The following MGAT5 variants were observed in gnomAD, a reference collection of about 807,000 sequenced individuals.
MGAT5 encodes the protein alpha-1,6-mannosylglycoprotein 6-beta-N-acetylglucosaminyltransferase, also known as alpha-1,6-mannosylglycoprotein 6-beta-N-acetylglucosaminyltransferase A.
MGAT5 carries 30 observed loss-of-function variants against 94.3 expected under a neutral mutation model. That is an observed-to-expected ratio of 0.32 (90% CI 0.24 to 0.43). The LOEUF (loss-of-function observed/expected upper bound fraction) is 0.43. Ranked by LOEUF, MGAT5 falls within the 20% of genes least tolerant of loss-of-function variation. The pLI, the probability that MGAT5 is intolerant of heterozygous loss-of-function variation, is 1.00. For missense variants in MGAT5, 691 were observed against 905.5 expected, an observed-to-expected ratio of 0.76 and a Z score of 3.04; for synonymous variants, 310 against 322.9, an observed-to-expected ratio of 0.96 and a Z score of 0.43.
Position 134,412,973 on chromosome 2 carries a change from C to G in MGAT5, c.1635C>G (p.Ser545Arg). 2 of 1,614,154 alleles carry G rather than the reference C, an allele frequency of 1.2e-6. No homozygotes were observed. Among genetic ancestry groups the G allele is most frequent in the Non-Finnish European group, 1.7e-6 (2 of 1,180,012 alleles). ...LNPKFNPPKS[S>R]KNTDFFIGKP... ...CCAAGTTCAACCCACCCAAAAGCAG[C>G]AAAAACACAGACTTTTTCATTGGCA... Residue 545 changes from serine (S) to arginine (R), a missense_variant, in exon 12 of 16, where the codon AGC becomes AGG. Ser to Arg is a moderately radical substitution (Grantham distance 110). Around this residue, in one of 4 missense-constraint regions of MGAT5, gnomAD observed 260 missense variants for 347.0 expected, o/e 0.75. Transcript: ENST00000281923.
At chr2:134,127,660 G>A (rs1158009369) in intron 1 of MGAT5, among the ~76,000 whole-genome samples, 1 of 152,134 alleles carries the variant, frequency 6.6e-6, no homozygotes, top group Non-Finnish European at 1.5e-5. Flanking sequence ...GGCATCGTGA[G>A]TGAACTCCGA....
intron 1 of MGAT5, among the ~76,000 whole-genome samples, chr2:134,218,905 A>G (rs932533726): frequency 1.3e-5 from 2 of 152,148 alleles, no homozygotes; most frequent in African/African-American, 4.8e-5. Flanking sequence ...GCAATGCTTC[A>G]TTCTGTTGTT....
intron 1 of MGAT5, among the ~76,000 whole-genome samples, chr2:134,137,174 G>A (rs1273213657): frequency 6.6e-6 from 1 of 152,114 alleles, no homozygotes; most frequent in Admixed American, 6.5e-5. Flanking sequence ...TTATATCATC[G>A]ACAACAGCAC....
intron 1 of MGAT5, among the ~76,000 whole-genome samples, chr2:134,255,556 A>G (rs938913233): frequency 6.6e-6 from 1 of 151,752 alleles, no homozygotes; most frequent in Non-Finnish European, 1.5e-5. Flanking sequence ...TACACACACA[A>G]ATACTTGGAA....
intron 10 of MGAT5, among the ~76,000 whole-genome samples, chr2:134,365,464 C>T (rs946855365): frequency 1.3e-5 from 2 of 152,118 alleles, no homozygotes; most frequent in African/African-American, 4.8e-5. Context: ...GAGAGTGAGC[C>T]ATGTTAACAG....
chr2:134,208,220 T>C (rs1032184190), intron 1 of MGAT5, among the ~76,000 whole-genome samples: 4 of 152,244 alleles, frequency 2.6e-5, no homozygotes, highest in African/African-American at 7.2e-5. Flanking sequence ...CCACCTATAC[T>C]TGTTACTTAA....
chr2:134,260,269 T>C (rs1432467877), intron 1 of MGAT5, among the ~76,000 whole-genome samples: 1 of 152,204 alleles, frequency 6.6e-6, no homozygotes, highest in Non-Finnish European at 1.5e-5. Flanking sequence ...CTGCTTTCTC[T>C]ATGGGAGGAA....
chr2:134,258,980 G>C lies in MGAT5; in HGVS notation c.241+4336G>C, dbSNP rs1324883423. Among the ~76,000 whole-genome samples, 8 of 152,224 alleles carry C rather than the reference G, an allele frequency of 5.3e-5. 1 individual carries two copies. The highest frequency in any genetic ancestry group is 1.2e-4 in the Non-Finnish European group (8 of 68,044). On this transcript the variant is annotated intron_variant, in intron 1 of 15. Coordinates refer to ENST00000281923, the MANE Select transcript of MGAT5 (RefSeq NM_002410.5). ...TGTGACTAGTACTCAAACAATAATA[G>C]AACTTGAAGAGTATCTTCCCTTCCC...
intron 1 of MGAT5, among the ~76,000 whole-genome samples, chr2:134,170,388 GA>G (rs2105111137): frequency 6.6e-6 from 1 of 152,106 alleles, no homozygotes; most frequent in East Asian, 1.9e-4. Context: ...AACATTTATT[GA>G]GCCCAGACTG....
chr2:134,417,847 ACTGGATCATGT>A (rs1684069985), intron 12 of MGAT5, among the ~76,000 whole-genome samples: 1 of 152,106 alleles, frequency 6.6e-6, no homozygotes, highest in African/African-American at 2.4e-5. Context: ...ATCATATAGG[ACTGGATCATGT>A]CTGCAACAAT....
At chr2:134,413,102 A>C in intron 12 of MGAT5, 87 bp downstream of exon 12, 8 of 1,445,010 alleles carry the variant, frequency 5.5e-6, no homozygotes, top group African/African-American at 1.4e-5. Context: ...ACTTCATCTA[A>C]CATGATTGGG....
intron 4 of MGAT5, among the ~76,000 whole-genome samples, 172 bp from the exon 5 acceptor site, chr2:134,336,045 A>G (rs1276369002): frequency 6.6e-6 from 1 of 152,094 alleles, no homozygotes; most frequent in African/African-American, 2.4e-5. Context: ...TTCATCTGAG[A>G]GGGCACTTGT....
chr2:134,403,834 G>A (rs1259222835), intron 11 of MGAT5, among the ~76,000 whole-genome samples: 1 of 152,250 alleles, frequency 6.6e-6, no homozygotes. Context: ...GATTGGCACA[G>A]ATGGAGGCAG....
intron 1 of MGAT5, among the ~76,000 whole-genome samples, chr2:134,176,264 G>A (rs1688459240): frequency 1.3e-5 from 2 of 152,016 alleles, no homozygotes. Context: ...CTCTGGGAAG[G>A]AGGAAAAATA....
chr2:134,415,445 C>T (rs909516039), intron 12 of MGAT5, among the ~76,000 whole-genome samples: 2 of 152,116 alleles, frequency 1.3e-5, no homozygotes, highest in African/African-American at 4.8e-5. Flanking sequence ...AGGTTATTTG[C>T]GTATATTTTA....
intron 1 of MGAT5, among the ~76,000 whole-genome samples, chr2:134,176,377 G>A (rs1389411949): frequency 2.6e-5 from 4 of 152,028 alleles, no homozygotes; most frequent in East Asian, 1.9e-4. Flanking sequence ...TTCGAGAACA[G>A]CCTGGCCAAC....
chr2:134,201,689 A>G (rs1679793458), intron 1 of MGAT5, among the ~76,000 whole-genome samples: 1 of 152,158 alleles, frequency 6.6e-6, no homozygotes, highest in South Asian at 2.1e-4. Flanking sequence ...AAGTGAGGTA[A>G]CAGTGGCACA....
chr2:134,265,454 C>T (rs1373097778), intron 1 of MGAT5, among the ~76,000 whole-genome samples: 1 of 152,196 alleles, frequency 6.6e-6, no homozygotes, highest in Non-Finnish European at 1.5e-5. Flanking sequence ...GAAATGAAAA[C>T]TTAACAGAAG....
chr2:134,190,305 A>C (rs1257266584), intron 1 of MGAT5, among the ~76,000 whole-genome samples: 1 of 151,888 alleles, frequency 6.6e-6, no homozygotes, highest in Non-Finnish European at 1.5e-5. Flanking sequence ...CAGTCACCTG[A>C]TTTTCCCATG....
Sources: allele counts gnomAD v4.1 joint callset (sites outside exome capture counted in the v4.1 genomes callset), GRCh38; gene constraint gnomAD v4.1.1; regional missense constraint gnomAD v4.1.1; transcripts MANE v1.5; gene names NCBI Gene and HGNC (gene_info 2026-07-23, HGNC 2026-07-21).